Variants in NCAM1 observed in about 807,000 individuals in gnomAD.
The protein encoded by NCAM1 is antigen recognized by monoclonal antibody 5.1H11.
A neutral mutation model predicts 109.8 loss-of-function variants in NCAM1; 14 were observed. That is an observed-to-expected ratio of 0.13 (90% CI 0.08 to 0.20). NCAM1 has a LOEUF of 0.20. NCAM1 is among the 10% of genes least tolerant of loss of function. The probability of loss-of-function intolerance (pLI) is 1.00; values close to 1 mark genes in which losing one functional copy is unlikely to be tolerated. For missense variants in NCAM1, 774 were observed against 1,109.9 expected (o/e 0.70, Z 4.30); for synonymous variants, 418 against 442.9 (o/e 0.94, Z 0.70).
intron 7 of NCAM1, among the ~76,000 whole-genome samples, chr11:113,209,161 C>T (rs535665475): frequency 7.2e-5 from 11 of 152,316 alleles, no homozygotes; most frequent in South Asian, 2.1e-4. Context: ...CAGTCTGAGG[C>T]GCAGCTCTGG....
At chr11:113,268,052 A>C (rs1946174532) in intron 17 of NCAM1, among the ~76,000 whole-genome samples, 1 of 152,180 alleles carries the variant, frequency 6.6e-6, no homozygotes, top group South Asian at 2.1e-4. Context: ...TGATGTCCGG[A>C]AGCTGCAGTG....
At chr11:113,107,796 A>G (rs901640386) in intron 1 of NCAM1, among the ~76,000 whole-genome samples, 5 of 152,270 alleles carry the variant, frequency 3.3e-5, no homozygotes, top group Non-Finnish European at 5.9e-5. Context: ...CAGCCAAACC[A>G]TATTACCCCT....
intron 1 of NCAM1, among the ~76,000 whole-genome samples, chr11:113,153,470 G>A (rs1942305873): frequency 6.6e-6 from 1 of 150,520 alleles, no homozygotes; most frequent in Non-Finnish European, 1.5e-5. Context: ...GAGAGAGAGA[G>A]AGAGAGTGTG....
At chr11:113,237,207 C>T (rs140061506) in intron 14 of NCAM1, among the ~76,000 whole-genome samples, 102 of 152,246 alleles carry the variant, frequency 6.7e-4, no homozygotes, top group African/African-American at 2.3e-3. Flanking sequence ...AACTTCCCTT[C>T]TCCTGAGATT....
intron 1 of NCAM1, among the ~76,000 whole-genome samples, chr11:113,025,055 T>G (rs187674520): frequency 4.8e-4 from 73 of 152,378 alleles, no homozygotes; most frequent in Admixed American, 2.2e-3. Flanking sequence ...CATCATTGAT[T>G]CCAGGAAATG....
At chr11:113,134,320 TCG>T (rs538125280) in intron 1 of NCAM1, among the ~76,000 whole-genome samples, 1 of 152,214 alleles carries the variant, frequency 6.6e-6, no homozygotes, top group Non-Finnish European at 1.5e-5. Context: ...GGATTTTTTT[TCG>T]TTTTTTAAGT....
At chr11:113,144,958 T>G (rs572642503) in intron 1 of NCAM1, among the ~76,000 whole-genome samples, 6 of 152,348 alleles carry the variant, frequency 3.9e-5, no homozygotes, top group Admixed American at 3.3e-4. Flanking sequence ...CAAGACTCAT[T>G]ATGTTATGTC....
At chr11:113,091,676 G>C (rs550716312) in intron 1 of NCAM1, among the ~76,000 whole-genome samples, 150 of 152,318 alleles carry the variant, frequency 9.8e-4, no homozygotes, top group Non-Finnish European at 1.9e-3. Flanking sequence ...AGTTAGTGCT[G>C]CTGGTTCTTA....
chr11:113,144,931 T>C (rs1259860836), intron 1 of NCAM1, among the ~76,000 whole-genome samples: 1 of 152,220 alleles, frequency 6.6e-6, no homozygotes, highest in Non-Finnish European at 1.5e-5. Context: ...CTCCAACCAA[T>C]CTGCATGACC....
Position 113,270,323 on chromosome 11 carries a change from C to A in NCAM1, c.2267C>A (p.Ala756Glu), listed in dbSNP as rs375931522. The stretch of plus-strand genomic sequence containing the variant: ...AAGTGTGGCCTGTTCATGTGCATTG[C>A]GGTCAACCTGTGTGGAAAAGCCGGG... ...LNKCGLFMCI[A>E]VNLCGKAGPG... Residue 756 changes from alanine to glutamate, a missense_variant, in exon 18 of 20, where the codon GCG becomes GAG. This residue lies in a region of NCAM1 where 523 missense variants were observed against 784.2 expected (regional missense o/e 0.67). Coordinates refer to ENST00000316851, the MANE Select transcript of NCAM1 (RefSeq NM_181351.5). The A allele has an allele frequency of 1.9e-6, 3 of 1,613,886 alleles. No individual in the cohort carries two copies. In the African/African-American group the frequency reaches 4.0e-5, roughly 22 times the overall value.
intron 7 of NCAM1, among the ~76,000 whole-genome samples, chr11:113,208,371 C>T (rs1284019926): frequency 1.3e-5 from 2 of 152,158 alleles, no homozygotes; most frequent in Non-Finnish European, 2.9e-5. Context: ...GAACTAGCTC[C>T]TGCCTTCTTC....
intron 1 of NCAM1, among the ~76,000 whole-genome samples, chr11:113,013,421 T>A (rs1364836847): frequency 1.1e-5 from 1 of 88,496 alleles, no homozygotes; most frequent in Non-Finnish European, 2.3e-5. Context: ...AGCAAGACTC[T>A]GTCTCAAAAA....
At chr11:113,242,133 C>T (rs1945345846) in intron 14 of NCAM1, among the ~76,000 whole-genome samples, 1 of 152,200 alleles carries the variant, frequency 6.6e-6, no homozygotes, top group Non-Finnish European at 1.5e-5. Context: ...GGATGGATTC[C>T]ACTTACCTTT....
chr11:113,126,832 C>T (rs1340259833), intron 1 of NCAM1, among the ~76,000 whole-genome samples: 1 of 152,218 alleles, frequency 6.6e-6, no homozygotes, highest in African/African-American at 2.4e-5. Context: ...ATCCACTTTA[C>T]AGGCCAGACT....
chr11:113,215,831 G>C (rs565791465), intron 8 of NCAM1, among the ~76,000 whole-genome samples: 1 of 152,270 alleles, frequency 6.6e-6, no homozygotes, highest in South Asian at 2.1e-4. Flanking sequence ...TAAACCCTTA[G>C]CTAAGATTTC....
chr11:113,145,489 A>C (rs1191447813), intron 1 of NCAM1, among the ~76,000 whole-genome samples: 1 of 152,194 alleles, frequency 6.6e-6, no homozygotes, highest in Non-Finnish European at 1.5e-5. Flanking sequence ...AAACTTTAAA[A>C]TACTCTTATC....
At chr11:112,985,427 A>G (rs1387259476) in intron 1 of NCAM1, among the ~76,000 whole-genome samples, 2 of 151,866 alleles carry the variant, frequency 1.3e-5, no homozygotes, top group African/African-American at 2.4e-5. Context: ...ATTTTTGTAG[A>G]AAATGTCATT....
chr11:113,059,914 G>T (rs1953857587), intron 1 of NCAM1, among the ~76,000 whole-genome samples: 1 of 152,096 alleles, frequency 6.6e-6, no homozygotes, highest in South Asian at 2.1e-4. Flanking sequence ...CCTCTTACTA[G>T]TCCAGTGGAA....
chr11:113,121,260 A>G (rs1940945538), intron 1 of NCAM1, among the ~76,000 whole-genome samples: 1 of 124,512 alleles, frequency 8.0e-6, no homozygotes, highest in Non-Finnish European at 1.6e-5. Context: ...TTGTTCTGTC[A>G]CCCAGGCTGG....
Sources: allele counts gnomAD v4.1 joint callset (sites outside exome capture counted in the v4.1 genomes callset), GRCh38; gene constraint gnomAD v4.1.1; regional missense constraint gnomAD v4.1.1; transcripts MANE v1.5; gene names NCBI Gene and HGNC (gene_info 2026-07-23, HGNC 2026-07-21).